PRKCA: variants seen among roughly 807,000 people sequenced by gnomAD.
PRKCA encodes protein kinase C alpha type.
In PRKCA, 27 loss-of-function variants were observed where a neutral mutation model predicts 87.0. The observed-to-expected ratio is 0.31, with a 90% CI of 0.23 to 0.43. The LOEUF (loss-of-function observed/expected upper bound fraction) is 0.43, where lower values mean the gene tolerates loss of function less well. PRKCA is among the 20% of genes least tolerant of loss of function. PRKCA has a pLI of 1.00. For missense variants in PRKCA, 518 were observed against 852.3 expected (o/e 0.61, Z 4.88); for synonymous variants, 329 against 311.1 (o/e 1.06, Z -0.61).
chr17:66,684,612 G>A (rs1972577249), intron 5 of PRKCA, among the ~76,000 whole-genome samples: 1 of 152,202 alleles, frequency 6.6e-6, no homozygotes, highest in Non-Finnish European at 1.5e-5. Flanking sequence ...GACACTCACA[G>A]CTTTAAATCC....
chr17:66,735,700 C>T (rs746766296), intron 10 of PRKCA, 38 bp downstream of exon 10: 1 of 1,593,686 alleles, frequency 6.3e-7, no homozygotes, highest in South Asian at 1.1e-5. Context: ...CAGTACCCAG[C>T]TCTCAGAGCT....
intron 13 of PRKCA, among the ~76,000 whole-genome samples, chr17:66,751,460 T>C (rs1209099284): frequency 1.3e-5 from 2 of 152,190 alleles, no homozygotes; most frequent in Admixed American, 6.5e-5. Context: ...TGTCTCCAAA[T>C]CATATCTGTA....
chr17:66,758,903 G>A (rs926115441), intron 13 of PRKCA, among the ~76,000 whole-genome samples: 7 of 152,112 alleles, frequency 4.6e-5, no homozygotes, highest in African/African-American at 1.7e-4. Flanking sequence ...TCTAACATGA[G>A]TTTTTTTCAA....
At chr17:66,528,423 G>A (rs927279286) in intron 3 of PRKCA, among the ~76,000 whole-genome samples, 13 of 152,166 alleles carry the variant, frequency 8.5e-5, no homozygotes, top group Admixed American at 7.2e-4. Context: ...TAAGGGTCTC[G>A]TGAGAGATTA....
chr17:66,455,908 A>G (rs1914556378), intron 2 of PRKCA, among the ~76,000 whole-genome samples: 1 of 152,170 alleles, frequency 6.6e-6, no homozygotes, highest in African/African-American at 2.4e-5. Context: ...CTCGTCCAGA[A>G]CCTCACAATG....
At chr17:66,606,686 A>G (rs1970217977) in intron 3 of PRKCA, among the ~76,000 whole-genome samples, 1 of 152,168 alleles carries the variant, frequency 6.6e-6, no homozygotes, top group South Asian at 2.1e-4. Flanking sequence ...AGAGAGCAAT[A>G]TTTTTCTATG....
At chr17:66,442,662 T>C (rs2143882663) in intron 2 of PRKCA, among the ~76,000 whole-genome samples, 1 of 152,252 alleles carries the variant, frequency 6.6e-6, no homozygotes, top group South Asian at 2.1e-4. Flanking sequence ...AGAATTTTGT[T>C]TGATAATTAT....
intron 8 of PRKCA, 120 bp from the exon 9 acceptor site, chr17:66,732,568 C>G: frequency 8.1e-7 from 1 of 1,230,566 alleles, no homozygotes; most frequent in South Asian, 1.2e-5. Context: ...ACCCTTTGTT[C>G]CTTTTCTCAC....
chr17:66,706,696 T>A (rs1170097479), intron 8 of PRKCA, among the ~76,000 whole-genome samples: 4 of 152,028 alleles, frequency 2.6e-5, no homozygotes, highest in Non-Finnish European at 5.9e-5. Context: ...AGAAGGATAT[T>A]TGCGAGACAT....
At chr17:66,653,027 C>G (rs532531595) in intron 5 of PRKCA, among the ~76,000 whole-genome samples, 2 of 152,250 alleles carry the variant, frequency 1.3e-5, no homozygotes, top group Non-Finnish European at 2.9e-5. Flanking sequence ...GCCCCTGGCC[C>G]CCGTTAAACA....
At position 66,774,479 on chromosome 17, in the gene PRKCA, G is replaced by A. The variant is rs187708335; in HGVS notation, c.1605+412G>A. On this transcript the variant is annotated intron_variant, in intron 14 of 16. Coordinates refer to ENST00000413366, the MANE Select transcript of PRKCA (RefSeq NM_002737.3). ...CTACTAAAAATACAAAAATTAGCCAGGCGTGGTGGTGCACATCTGTAAACT... is the reference window on the plus strand; with the variant it reads ...CTACTAAAAATACAAAAATTAGCCAAGCGTGGTGGTGCACATCTGTAAACT... 137 of 723,216 alleles carry A rather than the reference G, an allele frequency of 1.9e-4. No individual in the cohort carries two copies. The East Asian group carries it at 9.5e-3, about 50-fold the overall frequency. 44.8% of individuals were successfully genotyped at this position (723,216 alleles called of 1,614,324 possible).
intron 5 of PRKCA, among the ~76,000 whole-genome samples, chr17:66,665,511 A>G (rs188611851): frequency 0.02 from 3,089 of 152,256 alleles, 51 homozygotes; most frequent in Admixed American, 0.045. Flanking sequence ...AGGGGGTCCA[A>G]GTACCTCCCA....
intron 3 of PRKCA, among the ~76,000 whole-genome samples, chr17:66,552,827 C>T (rs947032935): frequency 6.6e-6 from 1 of 152,176 alleles, no homozygotes; most frequent in African/African-American, 2.4e-5. Flanking sequence ...GCACTGAGAG[C>T]CATGTCAGAT....
intron 5 of PRKCA, among the ~76,000 whole-genome samples, chr17:66,664,647 G>GTTTTTTTTTTTTTT (rs398031366): frequency 3.0e-5 from 2 of 67,788 alleles, no homozygotes; most frequent in African/African-American, 6.4e-5. Context: ...TTTTGCTTTG[G>GTTTTTTTTTTTTTT]TTTTTTTTTT....
At chr17:66,741,513 C>CG (rs61761471) in intron 11 of PRKCA, 146 bp from the exon 12 acceptor site, 1 of 714,284 alleles carries the variant, frequency 1.4e-6, no homozygotes, top group Non-Finnish European at 2.3e-6. Context: ...GAGGGAGGAC[C>CG]GGGGGTTGGA....
At chr17:66,586,102 A>G (rs534326093) in intron 3 of PRKCA, among the ~76,000 whole-genome samples, 28 of 152,290 alleles carry the variant, frequency 1.8e-4, no homozygotes, top group African/African-American at 6.5e-4. Flanking sequence ...GGTGCGGCAA[A>G]GGGACCTATA....
At chr17:66,391,161 G>A (rs750778718) in intron 2 of PRKCA, among the ~76,000 whole-genome samples, 2 of 152,168 alleles carry the variant, frequency 1.3e-5, no homozygotes, top group Non-Finnish European at 2.9e-5. Context: ...GGAGAGCAGC[G>A]GGTGGGAGGA....
intron 8 of PRKCA, among the ~76,000 whole-genome samples, chr17:66,721,697 G>T (rs1245509050): frequency 1.3e-5 from 2 of 152,020 alleles, no homozygotes; most frequent in Non-Finnish European, 2.9e-5. Context: ...GAAGCCAGAG[G>T]GTCGCTTTCC....
At chr17:66,731,758 C>T (rs889253073) in intron 8 of PRKCA, among the ~76,000 whole-genome samples, 8 of 144,886 alleles carry the variant, frequency 5.5e-5, no homozygotes, top group African/African-American at 2.0e-4. Context: ...GCGCAAAGGG[C>T]GCCTTGTGCT....
Sources: allele counts gnomAD v4.1 joint callset (sites outside exome capture counted in the v4.1 genomes callset), GRCh38; gene constraint gnomAD v4.1.1; transcripts MANE v1.5; gene names NCBI Gene and HGNC (gene_info 2026-07-23, HGNC 2026-07-21).